Variants in RASGEF1B observed in about 807,000 individuals in gnomAD.
RASGEF1B encodes the protein ras-GEF domain-containing family member 1B.
A neutral mutation model predicts 65.7 loss-of-function variants in RASGEF1B; 30 were observed. That is an observed-to-expected ratio of 0.46 (90% confidence interval 0.34 to 0.62). RASGEF1B has a LOEUF of 0.62. RASGEF1B is among the 20% of genes least tolerant of loss of function. RASGEF1B has a pLI of 0.01. For synonymous variants in RASGEF1B, 175 were observed against 194.8 expected (o/e 0.90, Z 0.85); for missense variants, 495 against 580.1 (o/e 0.85, Z 1.51).
At chr4:81,443,888 C>T (rs1721932600) in intron 8 of RASGEF1B, among the ~76,000 whole-genome samples, 1 of 152,168 alleles carries the variant, frequency 6.6e-6, no homozygotes, top group Admixed American at 6.5e-5. Flanking sequence ...TATACTCCTG[C>T]CAATAATGTA....
At chr4:81,470,218 T>G (rs1365800443) in intron 1 of RASGEF1B, among the ~76,000 whole-genome samples, 2 of 152,220 alleles carry the variant, frequency 1.3e-5, no homozygotes, top group African/African-American at 4.8e-5. Flanking sequence ...CAAATAATTT[T>G]TATTTCTTTT....
intron 1 of RASGEF1B, among the ~76,000 whole-genome samples, chr4:81,469,455 C>T (rs1296427409): frequency 6.6e-6 from 1 of 152,132 alleles, no homozygotes; most frequent in Non-Finnish European, 1.5e-5. Context: ...AGCTCCTCCC[C>T]TTCAATTTTC....
chr4:81,462,094 T>A (rs950662850), intron 1 of RASGEF1B, among the ~76,000 whole-genome samples: 1 of 152,206 alleles, frequency 6.6e-6, no homozygotes, highest in African/African-American at 2.4e-5. Context: ...AAGTCCTAAT[T>A]CTGGCACTTA....
chr4:81,428,298 T>A (rs567935124), intron 13 of RASGEF1B, among the ~76,000 whole-genome samples: 195 of 152,282 alleles, frequency 1.3e-3, no homozygotes, highest in Non-Finnish European at 2.4e-3. Flanking sequence ...TGTAAAAATA[T>A]CTTACTGCCT....
At chr4:81,468,276 T>C (rs1203053087) in intron 1 of RASGEF1B, among the ~76,000 whole-genome samples, 2 of 152,204 alleles carry the variant, frequency 1.3e-5, no homozygotes, top group African/African-American at 2.4e-5. Context: ...TATATTTTAG[T>C]ATATAACATG....
chr4:81,436,138 ATTAT>A (rs1303169654), intron 10 of RASGEF1B, among the ~76,000 whole-genome samples: 1 of 152,108 alleles, frequency 6.6e-6, no homozygotes, highest in Non-Finnish European at 1.5e-5. Flanking sequence ...TGTACTGCTT[ATTAT>A]TTAGACTTCT....
At chr4:81,457,406 G>C in intron 3 of RASGEF1B, 93 bp downstream of exon 3, 1 of 1,261,620 alleles carries the variant, frequency 7.9e-7, no homozygotes, top group Non-Finnish European at 1.1e-6. Context: ...CTTCAGCCTG[G>C]GGATAAGCCA....
intron 1 of RASGEF1B, among the ~76,000 whole-genome samples, chr4:81,467,870 A>G (rs1722895724): frequency 6.6e-6 from 1 of 152,212 alleles, no homozygotes; most frequent in Non-Finnish European, 1.5e-5. Flanking sequence ...AATCAAAATC[A>G]TCATTACCTA....
At chr4:81,466,285 G>A (rs770208753) in intron 1 of RASGEF1B, among the ~76,000 whole-genome samples, 64 of 152,184 alleles carry the variant, frequency 4.2e-4, no homozygotes, top group Middle Eastern at 3.4e-3. Context: ...AAGAGTTCAC[G>A]TATTTCAGCT....
At position 81,433,101 on chromosome 4, in the gene RASGEF1B, C is replaced by G. The variant is rs146661775; in HGVS notation, c.1325-730G>C. ...AAAATTAATCAGGCATGGTGGTGCA[C>G]GCCCGTACTCCCAGCTATCTGGAAG... On this transcript the variant is annotated intron_variant, in intron 12 of 13. Transcript: ENST00000264400. 4.6e-5 allele frequency among the ~76,000 whole-genome samples: 7 copies of G among 150,606 alleles called. No individual in the cohort carries two copies. The East Asian group carries it at 1.4e-3, about 29-fold the overall frequency.
At chr4:81,461,393 A>G (rs1222562077) in intron 1 of RASGEF1B, among the ~76,000 whole-genome samples, 1 of 152,222 alleles carries the variant, frequency 6.6e-6, no homozygotes, top group Non-Finnish European at 1.5e-5. Flanking sequence ...AGTGTCCTTC[A>G]CATGCAGCAT....
In RASGEF1B at chr4:81,427,350, A is replaced by G. The variant is rs114716983; in HGVS notation, c.*418T>C. On this transcript the variant is annotated 3_prime_UTR_variant, in exon 14 of 14. Transcript: ENST00000264400. Reference sequence around the variant, plus strand: ...CTTTCTTCATTTAAGTTAACAAAAGAAACGTGGGCTTCCTCAGAGCCAGCA... The same window carrying G: ...CTTTCTTCATTTAAGTTAACAAAAGGAACGTGGGCTTCCTCAGAGCCAGCA... 2,191 of 165,992 alleles carry G rather than the reference A, an allele frequency of 0.013. 52 individuals are homozygous for G. Among genetic ancestry groups the G allele is most frequent in the African/African-American group, 0.048 (2,020 of 41,998 alleles). 10.3% of individuals were successfully genotyped at this position (165,992 alleles called of 1,614,324 possible). A position where few individuals can be genotyped will look rare whatever the true frequency, so the allele number is the denominator to read the frequency against.
chr4:81,427,673 T>G lies in RASGEF1B; in HGVS notation c.*95A>C. 79 of 1,455,926 alleles carry G rather than the reference T, an allele frequency of 5.4e-5. No homozygotes were observed. The highest frequency in any genetic ancestry group is 1.7e-4 in the Middle Eastern group (1 of 5,716). The allele number at this position is 1,455,926 out of a possible 1,614,324, so 90.2% of individuals were successfully genotyped here. The stretch of plus-strand genomic sequence containing the variant: ...TGCTCCAATGACTGCAGGGTCTTCA[T>G]GAGTGTTCGTGGTACGAGATGCCAG... On this transcript the variant is annotated 3_prime_UTR_variant, in exon 14 of 14. Coordinates refer to ENST00000264400, the MANE Select transcript of RASGEF1B (RefSeq NM_152545.3).
chr4:81,459,447 T>C lies in RASGEF1B; in HGVS notation c.62A>G (p.Tyr21Cys). 1 of 1,613,106 alleles carries C rather than the reference T, an allele frequency of 6.2e-7. No homozygotes were observed. The highest frequency in any genetic ancestry group is 8.5e-7 in the Non-Finnish European group (1 of 1,179,698). The change falls in exon 2 of 14, where the codon TAT becomes TGT. Residue 21 changes from tyrosine to cysteine, a missense_variant. Transcript: ENST00000264400. ...TCCACAGCTGTCCTCTGCAGACTGA[T>C]AGAGGTTTCGATTGTAACCACTGCT... The part of the protein sequence containing the change: ...FDSSGYNRNL[Y>C]QSAEDSCGGL...
chr4:81,431,748 C>G (rs1483267994), intron 13 of RASGEF1B, among the ~76,000 whole-genome samples: 1 of 152,118 alleles, frequency 6.6e-6, no homozygotes, highest in Non-Finnish European at 1.5e-5. Flanking sequence ...ATCTCAAATG[C>G]TTAAAATACA....
intron 1 of RASGEF1B, among the ~76,000 whole-genome samples, chr4:81,469,908 C>A (rs972148813): frequency 2.6e-5 from 4 of 152,062 alleles, no homozygotes; most frequent in Non-Finnish European, 5.9e-5. Flanking sequence ...AAGTACAAGG[C>A]CAATATGCTT....
Position 81,427,637 on chromosome 4 carries a change from G to T in RASGEF1B, c.*131C>A. On this transcript the variant is annotated 3_prime_UTR_variant, in exon 14 of 14. Coordinates refer to ENST00000264400, the MANE Select transcript of RASGEF1B (RefSeq NM_152545.3). ...GGTCTTGAGTGAGCTTGTGTGCTTTGCTGACCCGGGTGCTCCAATGACTGC... is the reference window on the plus strand; with the variant it reads ...GGTCTTGAGTGAGCTTGTGTGCTTTTCTGACCCGGGTGCTCCAATGACTGC... 1 of 908,504 alleles carries T rather than the reference G, an allele frequency of 1.1e-6. No homozygotes were observed. The highest frequency in any genetic ancestry group is 1.7e-5 in the South Asian group (1 of 59,646). The allele number at this position is 908,504 out of a possible 1,614,324, so 56.3% of individuals were successfully genotyped here.
At chr4:81,428,351 C>A (rs188128207) in intron 13 of RASGEF1B, among the ~76,000 whole-genome samples, 1 of 152,062 alleles carries the variant, frequency 6.6e-6, no homozygotes, top group Non-Finnish European at 1.5e-5. Flanking sequence ...TACAATGATT[C>A]CAGAATATAG....
intron 10 of RASGEF1B, among the ~76,000 whole-genome samples, chr4:81,439,248 C>T (rs1287993745): frequency 3.9e-5 from 6 of 152,148 alleles, no homozygotes; most frequent in South Asian, 4.1e-4. Flanking sequence ...TCCACAGCCT[C>T]GCCAGCATCT....
Sources: allele counts gnomAD v4.1 joint callset (sites outside exome capture counted in the v4.1 genomes callset), GRCh38; gene constraint gnomAD v4.1.1; transcripts MANE v1.5; gene names NCBI Gene and HGNC (gene_info 2026-07-23, HGNC 2026-07-21).